The following MROH2A variants were observed in gnomAD, a reference collection of about 807,000 sequenced individuals.
MROH2A encodes maestro heat like repeat family member 2A.
In MROH2A, 174 loss-of-function variants were observed where a neutral mutation model predicts 200.4. The ratio of observed to expected loss-of-function variants is 0.87; its 90% CI spans 0.77 to 0.98. The LOEUF (loss-of-function observed/expected upper bound fraction) is 0.98, where lower values mean the gene tolerates loss of function less well. Ranked by LOEUF, MROH2A falls within the 50% of genes least tolerant of loss-of-function variation. MROH2A has a pLI of 0.00. For synonymous variants in MROH2A, 829 were observed against 840.4 expected (o/e 0.99, Z 0.23); for missense variants, 2,045 against 2,139.6 (o/e 0.96, Z 0.87).
In MROH2A at chr2:233,804,101, C is replaced by A. The variant is rs898705533; in HGVS notation, c.1800C>A (p.Leu600=). The A allele has an allele frequency of 6.4e-7, 1 of 1,550,564 alleles. No individual in the cohort carries two copies. Among genetic ancestry groups the A allele is most frequent in the East Asian group, 2.4e-5 (1 of 40,908 alleles). The change falls in exon 17 of 42, where the codon CTC becomes CTA. Residue 600 remains leucine (L), a synonymous_variant. Coordinates refer to ENST00000389758, the MANE Select transcript of MROH2A (RefSeq NM_001394639.1). ...GGGAGGGTCGTGGGATAGCCATGCT[C>A]AACCTCTTGAGGACCCTGAGCCAGA... ...YKGEGRGIAM[L]NLLRTLSQSI... is the part of the protein sequence containing the mutation.
chr2:233,803,733 G>A (rs1702618021), intron 16 of MROH2A, among the ~76,000 whole-genome samples: 1 of 152,160 alleles, frequency 6.6e-6, no homozygotes, highest in African/African-American at 2.4e-5. Context: ...TCTGCCCAAA[G>A]CATCCCCACT....
In MROH2A at chr2:233,809,117, G is replaced by A. The variant is rs141010648; in HGVS notation, c.2296-9G>A. 1.9e-4 allele frequency: 296 copies of A among 1,543,958 alleles called. 1 individual carries two copies. In the African/African-American group the frequency reaches 3.5e-3, roughly 18 times the overall value. On this transcript the variant is annotated splice_polypyrimidine_tract_variant and intron_variant, in intron 21 of 41. Transcript: ENST00000389758. ...CCCCCAGTGGTTCTTTTTCTCTTTG[G>A]CCTCGTAGAAGGACCATCCCTGGAG...
At chr2:233,821,826 G>C (rs967982246) in intron 31 of MROH2A, among the ~76,000 whole-genome samples, 1 of 152,064 alleles carries the variant, frequency 6.6e-6, no homozygotes, top group Admixed American at 6.5e-5. Context: ...GGACATGTCC[G>C]TACAGTCATC....
chr2:233,809,344 A>G, intron 22 of MROH2A, 66 bp downstream of exon 22: 2 of 1,502,704 alleles, frequency 1.3e-6, no homozygotes, highest in African/African-American at 1.4e-5. Context: ...GCCTTCTGGC[A>G]CTCTCTGGGC....
upstream of MROH2A, among the ~76,000 whole-genome samples, chr2:233,778,051 G>GGC (rs1440034980): frequency 3.3e-5 from 5 of 152,060 alleles, no homozygotes; most frequent in Admixed American, 3.3e-4. Context: ...CCCCACCCAG[G>GGC]GCTCACATGA....
chr2:233,786,728 A>G (rs1006902359), intron 3 of MROH2A, among the ~76,000 whole-genome samples: 2 of 152,230 alleles, frequency 1.3e-5, no homozygotes, highest in African/African-American at 2.4e-5. Context: ...GAAGAAAATA[A>G]GAAACCATGA....
intron 17 of MROH2A, 139 bp downstream of exon 17, chr2:233,804,331 G>T (rs1158864196): frequency 7.2e-7 from 1 of 1,394,968 alleles, no homozygotes; most frequent in South Asian, 1.4e-5. Flanking sequence ...CCTGAGAACT[G>T]GTTGAGCAGC....
At position 233,822,117 on chromosome 2, in the gene MROH2A, T is replaced by C. The variant is rs1703977118; in HGVS notation, c.3513-7T>C. 1 of 1,547,398 alleles carries C rather than the reference T, an allele frequency of 6.5e-7. No homozygotes were observed. The highest frequency in any genetic ancestry group is 8.7e-7 in the Non-Finnish European group (1 of 1,145,060). ...ACTCACAGTCCTTGTGCCCTGACTTTGGTTAGCCACCTGGCAGAGGTGTGG... is the reference window on the plus strand; with the variant it reads ...ACTCACAGTCCTTGTGCCCTGACTTCGGTTAGCCACCTGGCAGAGGTGTGG... On this transcript the variant is annotated splice_polypyrimidine_tract_variant and splice_region_variant and intron_variant, in intron 31 of 41. Coordinates refer to ENST00000389758, the MANE Select transcript of MROH2A (RefSeq NM_001394639.1).
At chr2:233,776,193 C>G (rs1338516171), upstream of MROH2A, among the ~76,000 whole-genome samples, 1 of 152,140 alleles carries the variant, frequency 6.6e-6, no homozygotes, top group Non-Finnish European at 1.5e-5. Flanking sequence ...TGTATTTAAG[C>G]TCACAGGATG....
rs576728481 is a variant in MROH2A, at chr2:233,790,100, A to C, written c.571+86A>C. 6.4e-5 allele frequency: 78 copies of C among 1,227,664 alleles called. No homozygotes were observed. The Middle Eastern group carries it at 8.2e-4, about 13-fold the overall frequency. The allele number at this position is 1,227,664 out of a possible 1,614,324, so 76.0% of individuals were successfully genotyped here. A position where few individuals can be genotyped will look rare whatever the true frequency, so the allele number is the denominator to read the frequency against. On this transcript the variant is annotated intron_variant, in intron 5 of 41. Transcript: ENST00000389758. ...GCCCCTCCCATCTATCCCTATGTTC[A>C]CCTCTTCCTCTTACCTTTCATTTCT... is the stretch of plus-strand genomic sequence containing the variant.
chr2:233,789,948 C>T lies in MROH2A; in HGVS notation c.505C>T (p.Leu169Phe). ...SLVMYELQHH[L>F]KPLNLTDEFV... is the part of the protein sequence containing the mutation. Reference sequence around the variant, plus strand: ...GGTCATGTACGAGCTGCAGCACCACCTCAAGCCCCTCAACCTCACTGATGA... The same window carrying T: ...GGTCATGTACGAGCTGCAGCACCACTTCAAGCCCCTCAACCTCACTGATGA... The change falls in exon 5 of 42, where the codon CTC becomes TTC. Residue 169 changes from leucine (L) to phenylalanine (F), a missense_variant. By Grantham distance (22) the Leu-to-Phe change is conservative. Around this residue, in one of 3 missense-constraint regions of MROH2A, gnomAD observed 831 missense variants for 800.0 expected, o/e 1.04. Transcript: ENST00000389758. 1 of 1,550,522 alleles carries T rather than the reference C, an allele frequency of 6.4e-7. No homozygotes were observed. Among genetic ancestry groups the T allele is most frequent in the Non-Finnish European group, 8.7e-7 (1 of 1,146,950 alleles).
chr2:233,810,789 C>A lies in MROH2A; in HGVS notation c.2449-5C>A. On this transcript the variant is annotated splice_region_variant and splice_polypyrimidine_tract_variant and intron_variant, in intron 22 of 41. Coordinates refer to ENST00000389758, the MANE Select transcript of MROH2A (RefSeq NM_001394639.1). Reference sequence around the variant, plus strand: ...CTCTCCCTCCTTTTCCCCTTCTGGGCTCAGGACATCTGTCTCAAAATGGCC... The same window carrying A: ...CTCTCCCTCCTTTTCCCCTTCTGGGATCAGGACATCTGTCTCAAAATGGCC... 1 of 1,550,084 alleles carries A rather than the reference C, an allele frequency of 6.5e-7. No homozygotes were observed. Among genetic ancestry groups the A allele is most frequent in the South Asian group, 1.2e-5 (1 of 84,034 alleles).
chr2:233,779,574 G>A, intron 2 of MROH2A, 97 bp from the exon 3 acceptor site: 1 of 1,427,018 alleles, frequency 7.0e-7, no homozygotes, highest in Non-Finnish European at 9.6e-7. Flanking sequence ...CACACATGAA[G>A]CTGGAGCTGC....
chr2:233,803,461 A>G lies in MROH2A; in HGVS notation c.1722A>G (p.Ala574=). The G allele has an allele frequency of 6.4e-7, 1 of 1,550,466 alleles. No homozygotes were observed. Among genetic ancestry groups the G allele is most frequent in the Non-Finnish European group, 8.7e-7 (1 of 1,146,938 alleles). Residue 574 remains alanine (A), a synonymous_variant, in exon 16 of 42, where the codon GCA becomes GCG. Transcript: ENST00000389758. ...TCCTTCAATCAGTGGACCTGCCTGC[A>G]CCTCAGAAGCTGCTGGCCCGTCTCC... ...AGKSRQVDLP[A]PQKLLARLLV...
chr2:233,813,992 A>G (rs1278662091), intron 25 of MROH2A, among the ~76,000 whole-genome samples: 1 of 152,164 alleles, frequency 6.6e-6, no homozygotes, highest in African/African-American at 2.4e-5. Context: ...TTTATTTATC[A>G]CCCAAGTCAA....
chr2:233,819,829 G>C, intron 30 of MROH2A, 73 bp from the exon 31 acceptor site: 1 of 1,417,100 alleles, frequency 7.1e-7, no homozygotes, highest in African/African-American at 1.4e-5. Flanking sequence ...TAGAGCAGGG[G>C]CATGTCATGG....
intron 31 of MROH2A, among the ~76,000 whole-genome samples, chr2:233,821,299 C>T (rs796532416): frequency 2.0e-4 from 30 of 152,214 alleles, no homozygotes; most frequent in South Asian, 1.0e-3. Context: ...ACTGAGGTGC[C>T]CCTTCTTGTT....
intron 17 of MROH2A, 57 bp from the exon 18 acceptor site, chr2:233,804,438 G>C (rs563187492): frequency 6.5e-7 from 1 of 1,538,180 alleles, no homozygotes; most frequent in South Asian, 1.2e-5. Context: ...TTGAATACCA[G>C]GCTTAGGGGA....
intron 3 of MROH2A, among the ~76,000 whole-genome samples, chr2:233,789,260 T>TA (rs1457929703): frequency 6.6e-6 from 1 of 152,172 alleles, no homozygotes; most frequent in Non-Finnish European, 1.5e-5. Context: ...CCTTGCCAGA[T>TA]ATTTACTGAA....
Sources: gnomAD v4.1 joint callset for allele counts (sites outside exome capture counted in the v4.1 genomes callset) on GRCh38, gnomAD v4.1.1 for gene constraint, gnomAD v4.1.1 regional missense constraint, MANE v1.5 for transcripts, NCBI Gene and HGNC (gene_info 2026-07-23, HGNC 2026-07-21) for gene names.